The following TARBP1 variants were observed in gnomAD, a reference collection of about 807,000 sequenced individuals.
TARBP1 encodes the protein tRNA (guanosine(18)-2'-O)-methyltransferase TARBP1.
In TARBP1, 144 loss-of-function variants were observed where a neutral mutation model predicts 178.6. The ratio of observed to expected loss-of-function variants is 0.81; its 90% CI spans 0.70 to 0.93. The LOEUF (loss-of-function observed/expected upper bound fraction) is 0.93. Ranked by LOEUF, TARBP1 falls within the 40% of genes least tolerant of loss-of-function variation. The probability of loss-of-function intolerance (pLI) is 0.00; values close to 1 mark genes in which losing one functional copy is unlikely to be tolerated. For synonymous variants in TARBP1, 787 were observed against 781.0 expected, an observed-to-expected ratio of 1.01 and a Z score of -0.13; for missense variants, 2,067 against 2,011.7, an observed-to-expected ratio of 1.03 and a Z score of -0.53.
chr1:234,437,244 G>GA (rs748732259), intron 13 of TARBP1, 31 bp downstream of exon 13: 15 of 1,157,208 alleles, frequency 1.3e-5, no homozygotes. Flanking sequence ...TGAAAGAAAT[G>GA]AAAAAGAAAG....
rs1231132574 is a variant in TARBP1, at chr1:234,479,155, T to G, written c.-52A>C. On this transcript the variant is annotated 5_prime_UTR_variant, in exon 1 of 30. Transcript: ENST00000040877. ...GGGCTCCCAAAGGAAGGCGCCGGCG[T>G]GTGCGATGCGTGCGCACAGGACCGG... is the stretch of plus-strand genomic sequence containing the variant. 1.4e-6 allele frequency: 2 copies of G among 1,449,942 alleles called. No individual in the cohort carries two copies. The highest frequency in any genetic ancestry group is 1.8e-6 in the Non-Finnish European group (2 of 1,112,614). The allele number at this position is 1,449,942 out of a possible 1,614,324, so 89.8% of individuals were successfully genotyped here. A position where few individuals can be genotyped will look rare whatever the true frequency, so the allele number is the denominator to read the frequency against.
chr1:234,446,439 T>G (rs887855600), intron 12 of TARBP1, among the ~76,000 whole-genome samples: 4 of 152,148 alleles, frequency 2.6e-5, no homozygotes, highest in Admixed American at 2.0e-4. Flanking sequence ...CTTAAACATA[T>G]ACAAGACAGT....
chr1:234,478,068 G>C (rs1361533473), intron 1 of TARBP1, 105 bp downstream of exon 1: 2 of 1,133,854 alleles, frequency 1.8e-6, no homozygotes, highest in African/African-American at 3.2e-5. Flanking sequence ...AATTCTGCAT[G>C]GATCGGAGTG....
At chr1:234,422,490 A>T (rs990435866) in intron 20 of TARBP1, among the ~76,000 whole-genome samples, 2 of 152,202 alleles carry the variant, frequency 1.3e-5, no homozygotes, top group Admixed American at 6.5e-5. Context: ...GCACAAAAAG[A>T]CAAACTTCTC....
chr1:234,403,744 C>T (rs1010494190), intron 24 of TARBP1, among the ~76,000 whole-genome samples: 3 of 152,116 alleles, frequency 2.0e-5, no homozygotes, highest in Non-Finnish European at 4.4e-5. Context: ...AGTGCAGTGG[C>T]GCAATCTTGG....
chr1:234,475,682 C>T (rs953312655), intron 1 of TARBP1, among the ~76,000 whole-genome samples: 3 of 152,200 alleles, frequency 2.0e-5, no homozygotes, highest in African/African-American at 7.2e-5. Context: ...GGCCTAAATA[C>T]AAGGCTGCAG....
Position 234,412,661 on chromosome 1 carries a change from TAAAGA to T in TARBP1, c.3706-2135_3706-2131del, listed in dbSNP as rs1190741341. Among the ~76,000 whole-genome samples, 6 of 151,638 alleles carry T rather than the reference TAAAGA, an allele frequency of 4.0e-5. No homozygotes were observed. In the East Asian group the frequency reaches 1.2e-3, roughly 29 times the overall value. ...AGCAAGACTCTGTCTCAAAAATAAA[TAAAGA>T]AGACACATGAACTGAGATGTGAAGG... On this transcript the variant is annotated intron_variant, in intron 22 of 29. Transcript: ENST00000040877.
chr1:234,433,429 T>C lies in TARBP1; in HGVS notation c.2375A>G (p.Gln792Arg). Residue 792 changes from glutamine (Q) to arginine (R), a missense_variant, in exon 14 of 30, where the codon CAA becomes CGA. Physicochemically the swap from Gln to Arg is conservative, Grantham distance 43 (BLOSUM62 1). Coordinates refer to ENST00000040877, the MANE Select transcript of TARBP1 (RefSeq NM_005646.4). ...LLKNASIQHL[Q>R]EMDSGQEPTV... Reference sequence around the variant, plus strand: ...GCTTACCTGTCCACTGTCCATCTCTTGAAGATGCTGAATGGATGCATTTTT... The same window carrying C: ...GCTTACCTGTCCACTGTCCATCTCTCGAAGATGCTGAATGGATGCATTTTT... The C allele has an allele frequency of 6.2e-7, 1 of 1,613,946 alleles. No homozygotes were observed. The highest frequency in any genetic ancestry group is 8.5e-7 in the Non-Finnish European group (1 of 1,180,000).
At chr1:234,413,626 C>T (rs185987941) in intron 22 of TARBP1, among the ~76,000 whole-genome samples, 2 of 152,114 alleles carry the variant, frequency 1.3e-5, no homozygotes, top group Admixed American at 6.5e-5. Context: ...GCAAGCCTTA[C>T]GGGATACTCC....
intron 23 of TARBP1, chr1:234,406,402 C>T: frequency 3.5e-6 from 1 of 282,936 alleles, no homozygotes; most frequent in Non-Finnish European, 6.7e-6. Context: ...TTTATGCTAA[C>T]CATTATACAA....
intron 2 of TARBP1, among the ~76,000 whole-genome samples, chr1:234,471,992 G>C (rs1669106140): frequency 6.6e-6 from 1 of 152,162 alleles, no homozygotes; most frequent in Admixed American, 6.5e-5. Flanking sequence ...GGTTCTCAAA[G>C]TGTAGTTCCC....
intron 25 of TARBP1, among the ~76,000 whole-genome samples, chr1:234,399,547 AGGAC>A (rs2103040373): frequency 6.6e-6 from 1 of 152,318 alleles, no homozygotes; most frequent in Admixed American, 6.5e-5. Flanking sequence ...TATATACACA[AGGAC>A]TATAAATCAT....
chr1:234,457,762 C>T lies in TARBP1; in HGVS notation c.1633-6G>A, dbSNP rs1667431173. ...TCAGAAAGTGACACTTTCTCCTGGG[C>T]AGGGCAGGAAAGGTTTTAAAAATTA... On this transcript the variant is annotated splice_polypyrimidine_tract_variant and splice_region_variant and intron_variant, in intron 8 of 29. Coordinates refer to ENST00000040877, the MANE Select transcript of TARBP1 (RefSeq NM_005646.4). 3 of 1,602,542 alleles carry T rather than the reference C, an allele frequency of 1.9e-6. No individual in the cohort carries two copies. In the South Asian group the frequency reaches 3.3e-5, roughly 18 times the overall value.
At chr1:234,403,736 T>C (rs1221908983) in intron 24 of TARBP1, among the ~76,000 whole-genome samples, 1 of 152,152 alleles carries the variant, frequency 6.6e-6, no homozygotes, top group Non-Finnish European at 1.5e-5. Context: ...GAGGCTGGAG[T>C]GCAGTGGCGC....
In TARBP1 at chr1:234,467,614, AT is replaced by A. The variant is rs1321468310; in HGVS notation, c.1135del (p.Ile379PhefsTer44). The part of the protein sequence containing the change: ...WLFHPSWHMC[I>X]YKRMFESENK... ...TTCACTTTCAAACATTCTTTTATAA[AT>A]ACACATATGCCAGGATGGGTGAAAG... On this transcript the variant is annotated frameshift_variant, in exon 4 of 30. Transcript: ENST00000040877. LOFTEE classifies it high-confidence loss of function. The A allele has an allele frequency of 6.2e-7, 1 of 1,608,100 alleles. No homozygotes were observed. The highest frequency in any genetic ancestry group is 8.5e-7 in the Non-Finnish European group (1 of 1,178,456).
chr1:234,465,299 T>A (rs910059705), intron 5 of TARBP1, among the ~76,000 whole-genome samples: 19 of 152,068 alleles, frequency 1.2e-4, no homozygotes, highest in Admixed American at 8.5e-4. Flanking sequence ...AAAACTAAGT[T>A]AAAAGAAAAA....
chr1:234,395,791 G>A (rs1659877518), intron 26 of TARBP1, among the ~76,000 whole-genome samples: 2 of 152,142 alleles, frequency 1.3e-5, no homozygotes, highest in Admixed American at 6.5e-5. Flanking sequence ...TTCAGTGGCA[G>A]GAGGAGAGGT....
intron 20 of TARBP1, among the ~76,000 whole-genome samples, chr1:234,422,712 G>A (rs1311172126): frequency 6.6e-6 from 1 of 152,072 alleles, no homozygotes; most frequent in African/African-American, 2.4e-5. Flanking sequence ...GTAAGTTATT[G>A]TACATTTTAA....
intron 6 of TARBP1, among the ~76,000 whole-genome samples, chr1:234,462,687 C>CAAAAAAAAAAAAAAAA (rs35604890): frequency 9.7e-6 from 1 of 102,800 alleles, no homozygotes; most frequent in African/African-American, 3.8e-5. Flanking sequence ...GACTTCATCT[C>CAAAAAAAAAAAAAAAA]AAAAAAAAAA....
Sources: allele counts gnomAD v4.1 joint callset (sites outside exome capture counted in the v4.1 genomes callset), GRCh38; gene constraint gnomAD v4.1.1; transcripts MANE v1.5; gene names NCBI Gene and HGNC (gene_info 2026-07-23, HGNC 2026-07-21).